CDH12: variants seen among roughly 807,000 people sequenced by gnomAD.
The protein encoded by CDH12 is cadherin-12.
A neutral mutation model predicts 74.1 loss-of-function variants in CDH12; 41 were observed. The observed-to-expected ratio is 0.55, with a 90% confidence interval of 0.43 to 0.72. CDH12 has a LOEUF of 0.72. Ranked by LOEUF, CDH12 falls within the 30% of genes least tolerant of loss-of-function variation. The pLI, the probability that CDH12 is intolerant of heterozygous loss-of-function variation, is 0.00. For synonymous variants in CDH12, 399 were observed against 355.0 expected, an observed-to-expected ratio of 1.12 and a Z score of -1.39; for missense variants, 945 against 977.2, an observed-to-expected ratio of 0.97 and a Z score of 0.44.
intron 11 of CDH12, among the ~76,000 whole-genome samples, chr5:21,778,831 A>G (rs889463843): frequency 6.6e-6 from 1 of 152,178 alleles, no homozygotes; most frequent in African/African-American, 2.4e-5. Context: ...TTTATGTTGA[A>G]TCTGAATTAT....
At chr5:22,358,184 G>A (rs1189837948) in intron 3 of CDH12, among the ~76,000 whole-genome samples, 4 of 152,104 alleles carry the variant, frequency 2.6e-5, no homozygotes, top group Non-Finnish European at 4.4e-5. Flanking sequence ...CAAGGCAGGT[G>A]GATCCCTTGA....
intron 3 of CDH12, among the ~76,000 whole-genome samples, chr5:22,244,283 A>G (rs1012489819): frequency 2.0e-5 from 3 of 152,008 alleles, no homozygotes; most frequent in Admixed American, 6.6e-5. Context: ...TGAGTTCAGG[A>G]GTTCGAGCCC....
chr5:22,042,195 TA>T (rs938087921), intron 5 of CDH12, among the ~76,000 whole-genome samples: 10 of 150,926 alleles, frequency 6.6e-5, no homozygotes, highest in East Asian at 1.9e-4. Flanking sequence ...ATGCCTACAT[TA>T]AAAAAAAATT....
chr5:22,678,892 A>T (rs1016620289), intron 1 of CDH12, among the ~76,000 whole-genome samples: 1 of 152,064 alleles, frequency 6.6e-6, no homozygotes, highest in Non-Finnish European at 1.5e-5. Context: ...AGTTTTAGAG[A>T]TCTATATCTT....
At chr5:22,360,120 C>A (rs1184162541) in intron 3 of CDH12, among the ~76,000 whole-genome samples, 2 of 151,904 alleles carry the variant, frequency 1.3e-5, no homozygotes, top group African/African-American at 4.8e-5. Context: ...AAAAAACCTT[C>A]AAAAAATCAA....
chr5:21,858,312 G>A (rs942324688), intron 6 of CDH12, among the ~76,000 whole-genome samples: 8 of 151,690 alleles, frequency 5.3e-5, no homozygotes, highest in East Asian at 1.9e-4. Flanking sequence ...TCAGTAATTC[G>A]CAAGCAAACA....
At chr5:21,997,962 GT>G (rs1343104644) in intron 5 of CDH12, among the ~76,000 whole-genome samples, 1 of 152,088 alleles carries the variant, frequency 6.6e-6, no homozygotes. Context: ...GGATGAGAAT[GT>G]GTTTCCTTAG....
chr5:22,115,521 A>G (rs1745037338), intron 4 of CDH12, among the ~76,000 whole-genome samples: 1 of 152,082 alleles, frequency 6.6e-6, no homozygotes, highest in African/African-American at 2.4e-5. Context: ...TGAATCTACC[A>G]TTCATAAAAT....
chr5:21,812,361 C>A (rs1054592683), intron 9 of CDH12, among the ~76,000 whole-genome samples: 1 of 151,938 alleles, frequency 6.6e-6, no homozygotes, highest in Non-Finnish European at 1.5e-5. Flanking sequence ...TCTTGTATTG[C>A]AATATTGAAG....
intron 8 of CDH12, among the ~76,000 whole-genome samples, chr5:21,840,732 C>T (rs1268433084): frequency 6.6e-6 from 1 of 151,996 alleles, no homozygotes; most frequent in East Asian, 1.9e-4. Flanking sequence ...CTTTGACAAA[C>T]CTGAGAAAAA....
intron 1 of CDH12, among the ~76,000 whole-genome samples, chr5:22,807,199 T>C (rs1209540926): frequency 1.3e-5 from 2 of 152,212 alleles, no homozygotes; most frequent in Non-Finnish European, 2.9e-5. Context: ...TTAGGTTAGA[T>C]ATTTACATAA....
At chr5:22,803,028 T>G (rs1410520929) in intron 1 of CDH12, among the ~76,000 whole-genome samples, 2 of 152,126 alleles carry the variant, frequency 1.3e-5, no homozygotes, top group African/African-American at 4.8e-5. Flanking sequence ...AGATGAATAT[T>G]TCCTCTCAGC....
At chr5:21,956,263 T>C (rs1392481856) in intron 6 of CDH12, among the ~76,000 whole-genome samples, 4 of 152,024 alleles carry the variant, frequency 2.6e-5, no homozygotes, top group East Asian at 1.9e-4. Context: ...AGCATGGAGA[T>C]GTAAAAAATG....
chr5:22,445,645 T>C (rs1423637617), intron 2 of CDH12, among the ~76,000 whole-genome samples: 1 of 152,148 alleles, frequency 6.6e-6, no homozygotes, highest in Non-Finnish European at 1.5e-5. Flanking sequence ...CAAATTTCTT[T>C]AATCATCTCC....
chr5:22,601,606 C>A (rs545157364), intron 1 of CDH12, among the ~76,000 whole-genome samples: 1 of 151,944 alleles, frequency 6.6e-6, no homozygotes, highest in Non-Finnish European at 1.5e-5. Flanking sequence ...TTCCTTTCAT[C>A]TGAAAGGAAG....
chr5:22,040,745 A>G (rs1739520061), intron 5 of CDH12, among the ~76,000 whole-genome samples: 1 of 152,168 alleles, frequency 6.6e-6, no homozygotes, highest in South Asian at 2.1e-4. Flanking sequence ...ATTTTCCTCA[A>G]ACAAGTAAAA....
At chr5:22,808,836 T>C (rs1748963553) in intron 1 of CDH12, among the ~76,000 whole-genome samples, 1 of 146,954 alleles carries the variant, frequency 6.8e-6, no homozygotes, top group South Asian at 2.2e-4. Context: ...CTCAATCTCT[T>C]GACCTTGTGA....
chr5:22,779,198 T>A (rs1747264373), intron 1 of CDH12, among the ~76,000 whole-genome samples: 1 of 152,208 alleles, frequency 6.6e-6, no homozygotes, highest in Admixed American at 6.5e-5. Context: ...AGCACTTTGA[T>A]GTTTATCAAA....
intron 5 of CDH12, among the ~76,000 whole-genome samples, chr5:22,019,507 T>C (rs1485432213): frequency 1.3e-5 from 2 of 152,118 alleles, no homozygotes; most frequent in South Asian, 2.1e-4. Flanking sequence ...GTCATGAAGG[T>C]GCAGCCTTCA....
Sources: gnomAD v4.1 joint callset for allele counts (sites outside exome capture counted in the v4.1 genomes callset) on GRCh38, gnomAD v4.1.1 for gene constraint, MANE v1.5 for transcripts, NCBI Gene and HGNC (gene_info 2026-07-23, HGNC 2026-07-21) for gene names.